CYRIB: variants seen among roughly 807,000 people sequenced by gnomAD.
The protein encoded by CYRIB is CYFIP-related Rac1 interactor B.
Under a neutral mutation model 44.2 loss-of-function variants are expected in CYRIB, and 8 were observed. That is an observed-to-expected ratio of 0.18 (90% confidence interval 0.11 to 0.33). The LOEUF (loss-of-function observed/expected upper bound fraction) is 0.33, where lower values mean the gene tolerates loss of function less well. CYRIB is among the 10% of genes least tolerant of loss of function. The pLI is 1.00. For synonymous variants in CYRIB, 131 were observed against 127.2 expected (o/e 1.03, Z -0.20); for missense variants, 185 against 382.8 (o/e 0.48, Z 4.31).
At chr8:129,862,247 C>T (rs779014064) in exon 5 of CYRIB, 7 of 1,612,982 alleles carry the variant, frequency 4.3e-6, no homozygotes, top group Non-Finnish European at 5.9e-6. Flanking sequence ...TGAGAAAATT[C>T]GTAAAATTTC....
intron 2 of CYRIB, among the ~76,000 whole-genome samples, chr8:129,952,751 T>TA (rs2094571834): frequency 6.6e-6 from 1 of 152,150 alleles, no homozygotes; most frequent in Admixed American, 6.6e-5. Context: ...GGCTGGTAGT[T>TA]ACTCTATTAA....
chr8:129,990,471 T>G (rs1402345159), intron 1 of CYRIB, among the ~76,000 whole-genome samples: 1 of 150,708 alleles, frequency 6.6e-6, no homozygotes, highest in Non-Finnish European at 1.5e-5. Context: ...GGTGTGTGTG[T>G]GTGTGCATGC....
At chr8:129,893,641 C>T (rs952895390) in intron 2 of CYRIB, among the ~76,000 whole-genome samples, 3 of 152,078 alleles carry the variant, frequency 2.0e-5, no homozygotes, top group African/African-American at 7.2e-5. Flanking sequence ...GTTGACCTCC[C>T]AACCTCTTTC....
rs16904171 is a variant in CYRIB at position 129,909,379 on chromosome 8, C to T, written c.-49-6029G>A. ...AGTACCACTACCTATAATCCCACAA[C>T]CAAAGCTTTAACAATTTATTCTCTT... is the stretch of plus-strand genomic sequence containing the variant. On this transcript the variant is annotated intron_variant, in intron 1 of 11. Transcript: ENST00000519824. Among the ~76,000 whole-genome samples the T allele has an allele frequency of 8.6e-3, 1,316 of 152,196 alleles. 17 individuals are homozygous for T. Among genetic ancestry groups the T allele is most frequent in the African/African-American group, 0.03 (1,254 of 41,528 alleles).
chr8:129,966,885 G>C (rs1007667075), intron 2 of CYRIB, among the ~76,000 whole-genome samples: 16 of 151,996 alleles, frequency 1.1e-4, no homozygotes, highest in African/African-American at 3.9e-4. Context: ...TGTAGAAACA[G>C]GGTTTCGCCA....
chr8:129,888,964 G>C (rs1369260991), intron 2 of CYRIB, among the ~76,000 whole-genome samples: 1 of 152,180 alleles, frequency 6.6e-6, no homozygotes, highest in Non-Finnish European at 1.5e-5. Context: ...AGGGTGGCAG[G>C]CGCCTGTAAT....
intron 1 of CYRIB, among the ~76,000 whole-genome samples, chr8:129,998,769 T>C (rs1046355972): frequency 9.9e-5 from 15 of 152,122 alleles, no homozygotes; most frequent in Non-Finnish European, 1.6e-4. Flanking sequence ...GTAGCTGGGA[T>C]TACAGGCATG....
rs527679289 is a variant in CYRIB, at chr8:129,842,677, CA to C, written c.912-473del. ...GTTATTGTGGAAATTCTATGAAATTCAAATTTCAGTGCTTACATATAAAAGT... is the reference window on the plus strand; with the variant it reads ...GTTATTGTGGAAATTCTATGAAATTCAATTTCAGTGCTTACATATAAAAGT... On this transcript the variant is annotated intron_variant, in intron 11 of 11. Coordinates refer to ENST00000519824, the Ensembl canonical transcript of CYRIB. 4.6e-3 allele frequency among the ~76,000 whole-genome samples: 704 copies of C among 152,306 alleles called. 6 individuals are homozygous for C. The highest frequency in any genetic ancestry group is 6.9e-3 in the Non-Finnish European group (469 of 68,014).
At chr8:129,985,590 T>C (rs1259292620) in intron 1 of CYRIB, among the ~76,000 whole-genome samples, 1 of 151,968 alleles carries the variant, frequency 6.6e-6, no homozygotes, top group Non-Finnish European at 1.5e-5. Context: ...CAGACTTCCT[T>C]AATTAAAATC....
At chr8:129,842,255 C>A in intron 11 of CYRIB, 50 bp from the exon 14 acceptor site, 1 of 1,308,716 alleles carries the variant, frequency 7.6e-7, no homozygotes, top group South Asian at 1.2e-5. Context: ...AAAAAATAAT[C>A]AGCATCGGGT....
At chr8:129,976,526 T>C (rs1264809892) in intron 1 of CYRIB, among the ~76,000 whole-genome samples, 1 of 152,252 alleles carries the variant, frequency 6.6e-6, no homozygotes, top group East Asian at 1.9e-4. Flanking sequence ...TTCTTTTTTA[T>C]AATTTCCTGG....
intron 4 of CYRIB, among the ~76,000 whole-genome samples, chr8:129,869,172 G>A (rs1022357866): frequency 1.2e-4 from 18 of 151,558 alleles, no homozygotes; most frequent in Admixed American, 3.3e-4. Flanking sequence ...GATCACATGA[G>A]GTCAGGAGTT....
intron 1 of CYRIB, among the ~76,000 whole-genome samples, chr8:129,986,772 C>T (rs548517610): frequency 6.6e-5 from 10 of 152,278 alleles, no homozygotes; most frequent in African/African-American, 1.9e-4. Flanking sequence ...TTATAAGTTA[C>T]GCAGTTTCAG....
chr8:129,928,089 T>C (rs192855866), intron 1 of CYRIB, among the ~76,000 whole-genome samples: 2 of 151,512 alleles, frequency 1.3e-5, no homozygotes, highest in African/African-American at 4.8e-5. Context: ...AAAGATTTCT[T>C]AGATATGACA....
At chr8:129,978,962 C>A (rs900189469) in intron 1 of CYRIB, among the ~76,000 whole-genome samples, 1 of 151,934 alleles carries the variant, frequency 6.6e-6, no homozygotes, top group African/African-American at 2.4e-5. Context: ...ATAGTGAAAC[C>A]TCCATCTCGT....
At chr8:129,896,328 A>C (rs1391269031) in intron 2 of CYRIB, among the ~76,000 whole-genome samples, 1 of 152,254 alleles carries the variant, frequency 6.6e-6, no homozygotes, top group Non-Finnish European at 1.5e-5. Flanking sequence ...TTATGGAATA[A>C]TCCCTTAGTC....
chr8:129,978,802 C>CAT (rs1367820292), intron 1 of CYRIB, among the ~76,000 whole-genome samples: 1 of 152,094 alleles, frequency 6.6e-6, no homozygotes, highest in Non-Finnish European at 1.5e-5. Flanking sequence ...TACACACACA[C>CAT]ACACGTGCAT....
At chr8:129,879,028 T>C (rs1256397512) in intron 3 of CYRIB, among the ~76,000 whole-genome samples, 1 of 152,076 alleles carries the variant, frequency 6.6e-6, no homozygotes, top group Non-Finnish European at 1.5e-5. Flanking sequence ...TTTTCTTGAC[T>C]ATAATATAAG....
intron 1 of CYRIB, among the ~76,000 whole-genome samples, chr8:129,981,858 G>A (rs2096250805): frequency 6.6e-6 from 1 of 152,162 alleles, no homozygotes; most frequent in African/African-American, 2.4e-5. Flanking sequence ...CCAGACAGGT[G>A]CCCCCGCTGG....
Sources: gnomAD v4.1 joint callset for allele counts (sites outside exome capture counted in the v4.1 genomes callset) on GRCh38, gnomAD v4.1.1 for gene constraint, MANE v1.5 for transcripts, NCBI Gene and HGNC (gene_info 2026-07-23, HGNC 2026-07-21) for gene names.